Variants in GABRB1 observed in about 807,000 individuals in gnomAD.
The protein encoded by GABRB1 is gamma-aminobutyric acid receptor subunit beta-1.
A neutral mutation model predicts 51.6 loss-of-function variants in GABRB1; 17 were observed. The ratio of observed to expected loss-of-function variants is 0.33; its 90% CI spans 0.23 to 0.49. GABRB1 has a LOEUF of 0.49. GABRB1 is among the 20% of genes least tolerant of loss of function. The probability of loss-of-function intolerance (pLI) is 0.99; values close to 1 mark genes in which losing one functional copy is unlikely to be tolerated. For missense variants in GABRB1, 410 were observed against 600.6 expected, an observed-to-expected ratio of 0.68 and a Z score of 3.32; for synonymous variants, 247 against 218.9, an observed-to-expected ratio of 1.13 and a Z score of -1.14.
chr4:47,337,886 T>C (rs1176499804), intron 5 of GABRB1, among the ~76,000 whole-genome samples: 1 of 150,026 alleles, frequency 6.7e-6, no homozygotes, highest in African/African-American at 2.5e-5. Flanking sequence ...CCCAGTACAG[T>C]CCTTACTGCA....
At chr4:47,346,677 C>G (rs1471667765) in intron 5 of GABRB1, among the ~76,000 whole-genome samples, 1 of 152,224 alleles carries the variant, frequency 6.6e-6, no homozygotes, top group Non-Finnish European at 1.5e-5. Context: ...AAAGTCCCTA[C>G]AGGAATTTAG....
chr4:47,214,119 A>G (rs1720468709), intron 4 of GABRB1, among the ~76,000 whole-genome samples: 1 of 152,162 alleles, frequency 6.6e-6, no homozygotes, highest in African/African-American at 2.4e-5. Flanking sequence ...CATTAGTCAT[A>G]AAGAATAATA....
intron 3 of GABRB1, among the ~76,000 whole-genome samples, chr4:47,077,981 T>C (rs1727647194): frequency 7.4e-6 from 1 of 135,974 alleles, no homozygotes; most frequent in Non-Finnish European, 1.5e-5. Flanking sequence ...TTATATATAA[T>C]ATATAATATA....
At chr4:47,002,580 T>G (rs1276999889) in intron 1 of GABRB1, among the ~76,000 whole-genome samples, 1 of 152,182 alleles carries the variant, frequency 6.6e-6, no homozygotes, top group Non-Finnish European at 1.5e-5. Flanking sequence ...TGTATGTGTT[T>G]TTTTTTCTGT....
At chr4:47,413,267 A>C (rs368207035) in intron 8 of GABRB1, among the ~76,000 whole-genome samples, 1 of 152,206 alleles carries the variant, frequency 6.6e-6, no homozygotes, top group African/African-American at 2.4e-5. Context: ...TCAATTTTAT[A>C]AACTTCTTCA....
intron 5 of GABRB1, among the ~76,000 whole-genome samples, chr4:47,321,822 C>T (rs1365565827): frequency 6.6e-6 from 1 of 152,084 alleles, no homozygotes; most frequent in Admixed American, 6.5e-5. Context: ...CATACAGCAA[C>T]CTCTTGAAAT....
chr4:47,068,988 C>G (rs1366698309), intron 3 of GABRB1, among the ~76,000 whole-genome samples: 1 of 152,184 alleles, frequency 6.6e-6, no homozygotes, highest in Non-Finnish European at 1.5e-5. Flanking sequence ...CCAAGTTTGC[C>G]TTTTTATCAC....
chr4:47,312,987 A>G (rs1193942766), intron 4 of GABRB1, among the ~76,000 whole-genome samples: 1 of 152,074 alleles, frequency 6.6e-6, no homozygotes, highest in Non-Finnish European at 1.5e-5. Flanking sequence ...TATTACAATG[A>G]CTCCTAAGGC....
chr4:47,178,103 C>A (rs1329993440), intron 4 of GABRB1, among the ~76,000 whole-genome samples: 1 of 152,052 alleles, frequency 6.6e-6, no homozygotes, highest in Non-Finnish European at 1.5e-5. Context: ...ACCTTGGGCA[C>A]AATCACCTGT....
intron 4 of GABRB1, among the ~76,000 whole-genome samples, chr4:47,194,860 G>A (rs921081921): frequency 6.6e-6 from 1 of 152,122 alleles, no homozygotes; most frequent in Non-Finnish European, 1.5e-5. Context: ...CAGAGACTAC[G>A]GAGAAGTGTC....
intron 3 of GABRB1, among the ~76,000 whole-genome samples, chr4:47,139,847 G>T (rs138111190): frequency 6.6e-6 from 1 of 151,932 alleles, no homozygotes; most frequent in African/African-American, 2.4e-5. Flanking sequence ...CCGACGTTAC[G>T]TTGATGTTGT....
upstream of GABRB1, among the ~76,000 whole-genome samples, chr4:47,028,872 C>T (rs1725189325): frequency 7.2e-6 from 1 of 138,376 alleles, no homozygotes; most frequent in Non-Finnish European, 1.6e-5. Context: ...GTATATATAC[C>T]ATATATATAT....
rs535164992 is a variant in GABRB1, at chr4:47,294,195, T to A, written c.462-25932T>A. On this transcript the variant is annotated intron_variant, in intron 4 of 8. Transcript: ENST00000295454. ...ATGAGCAACGCAGAAGACAGATGAT[T>A]TCTGCATTTCCATCTGAGGTACTGG... Among the ~76,000 whole-genome samples the A allele has an allele frequency of 2.0e-5, 3 of 152,262 alleles. No homozygotes were observed. The South Asian group carries it at 6.2e-4, about 32-fold the overall frequency.
intron 3 of GABRB1, among the ~76,000 whole-genome samples, chr4:47,052,824 A>G (rs183007564): frequency 6.6e-6 from 1 of 152,228 alleles, no homozygotes; most frequent in Non-Finnish European, 1.5e-5. Context: ...CAATGGATCT[A>G]AAAACTGAAA....
At chr4:47,159,589 C>T (rs189075865) in intron 3 of GABRB1, among the ~76,000 whole-genome samples, 5 of 151,564 alleles carry the variant, frequency 3.3e-5, no homozygotes, top group Admixed American at 2.6e-4. Flanking sequence ...AACAGTCAAA[C>T]GTGAATATCC....
chr4:47,034,245 A>T (rs1239623163), intron 3 of GABRB1, among the ~76,000 whole-genome samples: 2 of 152,150 alleles, frequency 1.3e-5, no homozygotes, highest in Non-Finnish European at 2.9e-5. Flanking sequence ...TGTTGGCTAT[A>T]TTGACATACC....
At chr4:47,270,927 A>T (rs1722848893) in intron 4 of GABRB1, among the ~76,000 whole-genome samples, 2 of 152,212 alleles carry the variant, frequency 1.3e-5, no homozygotes, top group African/African-American at 2.4e-5. Context: ...AGCAGGTTAT[A>T]GCACTTTTAG....
chr4:47,278,313 C>T (rs1260079292), intron 4 of GABRB1, among the ~76,000 whole-genome samples: 4 of 152,032 alleles, frequency 2.6e-5, no homozygotes, highest in Non-Finnish European at 5.9e-5. Context: ...AACTATTTTG[C>T]CAATTACGTT....
intron 4 of GABRB1, among the ~76,000 whole-genome samples, chr4:47,165,359 T>C (rs1306316115): frequency 6.6e-6 from 1 of 151,986 alleles, no homozygotes; most frequent in Non-Finnish European, 1.5e-5. Context: ...CAGTTTCTGC[T>C]TTGAGCACCA....
Sources: allele counts gnomAD v4.1 joint callset (sites outside exome capture counted in the v4.1 genomes callset), GRCh38; gene constraint gnomAD v4.1.1; transcripts MANE v1.5; gene names NCBI Gene and HGNC (gene_info 2026-07-23, HGNC 2026-07-21).